The following TTLL11 variants were observed in gnomAD, a reference collection of about 807,000 sequenced individuals.
TTLL11 encodes tubulin polyglutamylase TTLL11.
TTLL11 carries 42 observed loss-of-function variants against 51.7 expected under a neutral mutation model. The observed-to-expected ratio is 0.81, with a 90% CI of 0.64 to 1.05. The LOEUF is 1.05. Among genes scored for constraint, TTLL11 ranks in the 50% least tolerant of loss-of-function variants. TTLL11 has a pLI of 0.00. For synonymous variants in TTLL11, 381 were observed against 383.5 expected (o/e 0.99, Z 0.08); for missense variants, 799 against 940.4 (o/e 0.85, Z 1.97).
chr9:121,927,178 A>G (rs1390981797), intron 6 of TTLL11, among the ~76,000 whole-genome samples: 2 of 152,220 alleles, frequency 1.3e-5, no homozygotes, highest in Non-Finnish European at 2.9e-5. Flanking sequence ...TCATGTCTCT[A>G]TGCTTCTCTC....
chr9:122,049,864 A>G (rs937722626), intron 1 of TTLL11, among the ~76,000 whole-genome samples: 10 of 152,372 alleles, frequency 6.6e-5, no homozygotes, highest in African/African-American at 2.4e-4. Flanking sequence ...CTCTATGAAC[A>G]GAAAGCATTT....
At chr9:121,991,606 G>A (rs1440198258) in intron 3 of TTLL11, among the ~76,000 whole-genome samples, 3 of 152,154 alleles carry the variant, frequency 2.0e-5, no homozygotes, top group East Asian at 1.9e-4. Context: ...TTGCTATGCC[G>A]AAGACACTAA....
At chr9:122,013,176 A>C (rs1242702229) in intron 3 of TTLL11, among the ~76,000 whole-genome samples, 3 of 152,194 alleles carry the variant, frequency 2.0e-5, no homozygotes, top group Admixed American at 2.0e-4. Context: ...TACACTTAGG[A>C]AGTAATGAAG....
chr9:122,069,729 C>G (rs72767748), intron 1 of TTLL11, among the ~76,000 whole-genome samples: 13,900 of 151,932 alleles, frequency 0.091, 922 homozygotes, highest in African/African-American at 0.16. Flanking sequence ...GATGGGACTC[C>G]GAGGGAGTGG....
chr9:121,960,135 T>A (rs950572701), intron 6 of TTLL11, among the ~76,000 whole-genome samples: 1 of 152,106 alleles, frequency 6.6e-6, no homozygotes, highest in African/African-American at 2.4e-5. Flanking sequence ...TTCTTCATAT[T>A]TGACTACTTA....
chr9:121,854,449 C>G (rs986532962), intron 8 of TTLL11, among the ~76,000 whole-genome samples: 3 of 152,136 alleles, frequency 2.0e-5, no homozygotes, highest in Admixed American at 6.5e-5. Context: ...TCTCATGTTC[C>G]CTTTGGTTAC....
rs145001511 is a variant in TTLL11, at chr9:121,958,232, C to T, written c.1481+15777G>A. Reference sequence around the variant, plus strand: ...CTTGGTTTGATTACTTCTAACTACACGGAACTTGCTACTCCTTTCAGTCAA... The same window carrying T: ...CTTGGTTTGATTACTTCTAACTACATGGAACTTGCTACTCCTTTCAGTCAA... On this transcript the variant is annotated intron_variant, in intron 6 of 8. Coordinates refer to ENST00000321582, the MANE Select transcript of TTLL11 (RefSeq NM_001139442.2). Among the ~76,000 whole-genome samples, 235 of 152,312 alleles carry T rather than the reference C, an allele frequency of 1.5e-3. 2 individuals are homozygous for T. The highest frequency in any genetic ancestry group is 2.2e-3 in the Admixed American group (33 of 15,298).
At chr9:122,012,674 A>G (rs1044964409) in intron 3 of TTLL11, among the ~76,000 whole-genome samples, 1 of 146,268 alleles carries the variant, frequency 6.8e-6, no homozygotes, top group African/African-American at 2.7e-5. Context: ...ACACACACAC[A>G]CACGCACACA....
At chr9:121,848,006 G>A (rs1369876905) in intron 8 of TTLL11, among the ~76,000 whole-genome samples, 1 of 152,122 alleles carries the variant, frequency 6.6e-6, no homozygotes, top group Non-Finnish European at 1.5e-5. Context: ...TTTGAGACCA[G>A]CCTGGGCAAT....
At chr9:121,987,107 T>G (rs959210323) in intron 4 of TTLL11, among the ~76,000 whole-genome samples, 1 of 151,980 alleles carries the variant, frequency 6.6e-6, no homozygotes, top group Non-Finnish European at 1.5e-5. Context: ...GATACATTCA[T>G]GCCTAATAAA....
rs1321979470 is a variant in TTLL11 at position 121,820,594 on chromosome 9, G to A, written c.*1993C>T. On this transcript the variant is annotated 3_prime_UTR_variant, in exon 9 of 9. Transcript: ENST00000321582. ...GAATTCATTCTCACCCAGGGACAAGGAGCCAAAGACAGACACACCTGGACC... is the reference window on the plus strand; with the variant it reads ...GAATTCATTCTCACCCAGGGACAAGAAGCCAAAGACAGACACACCTGGACC... Among the ~76,000 whole-genome samples the A allele has an allele frequency of 6.6e-6, 1 of 152,110 alleles. No individual in the cohort carries two copies. The highest frequency in any genetic ancestry group is 1.5e-5 in the Non-Finnish European group (1 of 68,012).
chr9:122,075,533 G>A (rs555760469), intron 1 of TTLL11, among the ~76,000 whole-genome samples: 3 of 152,126 alleles, frequency 2.0e-5, no homozygotes, highest in East Asian at 1.9e-4. Context: ...CTCTCCCTTC[G>A]TTCTCTAAAC....
chr9:121,910,303 C>G (rs1840071228), intron 6 of TTLL11, among the ~76,000 whole-genome samples: 1 of 152,206 alleles, frequency 6.6e-6, no homozygotes. Context: ...CTCTTTCTCT[C>G]ATGAGGTACT....
chr9:121,969,220 G>A (rs933475873), intron 6 of TTLL11, among the ~76,000 whole-genome samples: 1 of 152,124 alleles, frequency 6.6e-6, no homozygotes. Flanking sequence ...AAAAGATTAT[G>A]AGGCTCAAAA....
At chr9:121,911,265 C>T (rs548911255) in intron 6 of TTLL11, among the ~76,000 whole-genome samples, 16 of 152,144 alleles carry the variant, frequency 1.1e-4, no homozygotes, top group South Asian at 6.2e-4. Context: ...GGCATGGTGG[C>T]GGGCGTCTGT....
intron 8 of TTLL11, among the ~76,000 whole-genome samples, chr9:121,831,066 A>G (rs560605812): frequency 1.3e-5 from 2 of 152,342 alleles, no homozygotes; most frequent in Admixed American, 1.3e-4. Context: ...TGCCAGTGGC[A>G]TCTGAGGTTT....
At chr9:122,055,234 TAGATAGATA>T (rs146950992) in intron 1 of TTLL11, among the ~76,000 whole-genome samples, 3,459 of 151,848 alleles carry the variant, frequency 0.023, 59 homozygotes, top group Non-Finnish European at 0.038. Context: ...GATAGATAGA[TAGATAGATA>T]AAGGGGAGTT....
At chr9:121,836,000 C>T (rs73539168) in intron 8 of TTLL11, among the ~76,000 whole-genome samples, 9,625 of 152,260 alleles carry the variant, frequency 0.063, 488 homozygotes, top group African/African-American at 0.14. Context: ...GTAACAACAA[C>T]ACCCAGAATG....
chr9:121,988,950 T>C, intron 4 of TTLL11: 1 of 825,246 alleles, frequency 1.2e-6, no homozygotes. Context: ...AAGAACCTTT[T>C]AAGATAGGTA....
Sources: gnomAD v4.1 joint callset for allele counts (sites outside exome capture counted in the v4.1 genomes callset) on GRCh38, gnomAD v4.1.1 for gene constraint, MANE v1.5 for transcripts, NCBI Gene and HGNC (gene_info 2026-07-23, HGNC 2026-07-21) for gene names.